Variants in BTG4 observed in about 807,000 individuals in gnomAD.
BTG4 encodes the protein BTG anti-proliferation factor 4.
Under a neutral mutation model 19.3 loss-of-function variants are expected in BTG4, and 10 were observed. The ratio of observed to expected loss-of-function variants is 0.52; its 90% CI spans 0.32 to 0.88. The LOEUF (loss-of-function observed/expected upper bound fraction) is 0.88, where lower values mean the gene tolerates loss of function less well. BTG4 is among the 40% of genes least tolerant of loss of function. The probability of loss-of-function intolerance (pLI) is 0.04; values close to 1 mark genes in which losing one functional copy is unlikely to be tolerated. For missense variants in BTG4, 238 were observed against 281.9 expected, an observed-to-expected ratio of 0.84 and a Z score of 1.11; for synonymous variants, 91 against 95.7, an observed-to-expected ratio of 0.95 and a Z score of 0.29.
At chr11:111,456,053 C>T in the BTG4 span, among the ~76,000 whole-genome samples, 1 of 152,158 alleles carries the variant, frequency 6.6e-6, no homozygotes, top group East Asian at 1.9e-4. This position sits in a 1 kb window ranked among gnomAD's most constrained non-coding sequence, Gnocchi z 4.2. Context: ...CCATGCAATG[C>T]CTGCCCAAAA....
At chr11:111,485,419 A>G (rs183624147) in intron 5 of BTG4, among the ~76,000 whole-genome samples, 9 of 152,330 alleles carry the variant, frequency 5.9e-5, no homozygotes, top group African/African-American at 2.2e-4. Flanking sequence ...TTCCAACCAC[A>G]GTGGAATAAA....
chr11:111,405,014 G>C, the BTG4 span, among the ~76,000 whole-genome samples: 1 of 152,140 alleles, frequency 6.6e-6, no homozygotes, highest in Non-Finnish European at 1.5e-5. Context: ...CACTATGCTG[G>C]TCATAGTGTG....
chr11:111,463,999 G>T (rs1863572271), downstream of BTG4, among the ~76,000 whole-genome samples: 1 of 152,138 alleles, frequency 6.6e-6, no homozygotes, highest in Non-Finnish European at 1.5e-5. Context: ...CAAAGTGGAA[G>T]CCAACGTCTT....
At chr11:111,493,041 G>C (rs1865511921), downstream of BTG4, among the ~76,000 whole-genome samples, 1 of 152,154 alleles carries the variant, frequency 6.6e-6, no homozygotes. Context: ...AGCTACTCTG[G>C]AGGCTGAGGC....
chr11:111,486,265 C>T (rs1165572414), intron 5 of BTG4, among the ~76,000 whole-genome samples: 1 of 152,064 alleles, frequency 6.6e-6, no homozygotes, highest in African/African-American at 2.4e-5. Context: ...GGTGAAACCC[C>T]ATCTCTACAA....
chr11:111,485,077 T>C (rs1477351466), intron 5 of BTG4, among the ~76,000 whole-genome samples: 5 of 152,142 alleles, frequency 3.3e-5, no homozygotes, highest in African/African-American at 9.7e-5. Context: ...ATTATAAATA[T>C]ATATGTACCC....
At chr11:111,387,780 C>T in the BTG4 span, among the ~76,000 whole-genome samples, 4 of 152,094 alleles carry the variant, frequency 2.6e-5, no homozygotes, top group African/African-American at 7.2e-5. Context: ...ACTTTTGGTG[C>T]TATTATGTCA....
chr11:111,491,726 C>A (rs1865426270), downstream of BTG4, among the ~76,000 whole-genome samples: 1 of 125,128 alleles, frequency 8.0e-6, no homozygotes, highest in South Asian at 3.1e-4. Flanking sequence ...CAGAGTGAGA[C>A]CTGATCTCAA....
chr11:111,475,969 C>T (rs547967098), intron 5 of BTG4, among the ~76,000 whole-genome samples: 18 of 152,136 alleles, frequency 1.2e-4, no homozygotes, highest in Middle Eastern at 3.4e-3. Flanking sequence ...GACTTATTCA[C>T]CACCACAAGA....
chr11:111,416,500 G>A, the BTG4 span: 3 of 152,076 alleles, frequency 2.0e-5, no homozygotes, highest in East Asian at 1.9e-4. Context: ...GATCTGAAAC[G>A]CCGTTAGTCA....
chr11:111,474,570 T>C (rs1657377213), intron 5 of BTG4, among the ~76,000 whole-genome samples: 1 of 151,936 alleles, frequency 6.6e-6, no homozygotes, highest in Non-Finnish European at 1.5e-5. Context: ...ACTTACTCAT[T>C]CAACTGTTGA....
At chr11:111,455,578 C>T in the BTG4 span, 1 of 278,514 alleles carries the variant, frequency 3.6e-6, no homozygotes. Context: ...CAGATGGGCT[C>T]CAGGTCAGAG....
At chr11:111,391,455 T>A in the BTG4 span, among the ~76,000 whole-genome samples, 1 of 152,328 alleles carries the variant, frequency 6.6e-6, no homozygotes, top group South Asian at 2.1e-4. Flanking sequence ...ATCCTAGTCT[T>A]TTCTTTTTTT....
In BTG4 at chr11:111,511,675, T is replaced by C. The variant is rs993545048; in HGVS notation, c.-27+506A>G. ...AGGCAAAGGAGGGGAAGGAAAGTTA[T>C]TAGCAGAGATCTCCCAGAAGTCCTC... is the stretch of plus-strand genomic sequence containing the variant. On this transcript the variant is annotated intron_variant, in intron 1 of 4. Transcript: ENST00000692032. Among the ~76,000 whole-genome samples the C allele has an allele frequency of 6.6e-5, 10 of 152,172 alleles. No homozygotes were observed. The East Asian group carries it at 1.9e-3, about 29-fold the overall frequency.
chr11:111,460,972 C>A, the BTG4 span, among the ~76,000 whole-genome samples: 2 of 152,166 alleles, frequency 1.3e-5, no homozygotes, highest in African/African-American at 4.8e-5. Context: ...CAAGTTGGCA[C>A]ACCTCCTCCC....
At chr11:111,466,729 T>A (rs1179934824), downstream of BTG4, 1 of 152,674 alleles carries the variant, frequency 6.5e-6, no homozygotes, top group African/African-American at 2.4e-5. Flanking sequence ...TTTCTCCTGA[T>A]CTCTGTAGAC....
At chr11:111,396,886 T>A in the BTG4 span, 8 of 152,242 alleles carry the variant, frequency 5.3e-5, no homozygotes, top group Non-Finnish European at 8.8e-5. Flanking sequence ...TCCTCCATGG[T>A]GCCCAGGAGT....
intron 4 of BTG4, chr11:111,496,550 T>G (rs898088416): frequency 9.2e-5 from 14 of 152,140 alleles, no homozygotes; most frequent in Non-Finnish European, 2.1e-4. Context: ...ATTTAATACA[T>G]AGGTGATTAA....
At chr11:111,456,584 C>A in the BTG4 span, 1 of 455,372 alleles carries the variant, frequency 2.2e-6, no homozygotes, top group African/African-American at 2.0e-5. This position sits in a 1 kb window ranked among gnomAD's most constrained non-coding sequence, Gnocchi z 4.2. Context: ...GTCCCTGGCC[C>A]CAACTCCTTG....
Sources: gnomAD v4.1 joint callset for allele counts (sites outside exome capture counted in the v4.1 genomes callset) on GRCh38, gnomAD v4.1.1 for gene constraint, Gnocchi (gnomAD v3.1) non-coding constraint, MANE v1.5 for transcripts, NCBI Gene and HGNC (gene_info 2026-07-23, HGNC 2026-07-21) for gene names.